Variants in ANXA8 observed in about 807,000 individuals in gnomAD.
ANXA8 encodes the protein annexin A8.
ANXA8 carries 9 observed loss-of-function variants against 26.8 expected under a neutral mutation model. That is an observed-to-expected ratio of 0.34 (90% confidence interval 0.20 to 0.59). The LOEUF is 0.59. Ranked by LOEUF, ANXA8 falls within the 20% of genes least tolerant of loss-of-function variation. ANXA8 has a pLI of 0.84. For synonymous variants in ANXA8, 39 were observed against 94.8 expected, an observed-to-expected ratio of 0.41 and a Z score of 3.42; for missense variants, 83 against 238.5, an observed-to-expected ratio of 0.35 and a Z score of 4.29.
chr10:47,692,966 C>G, the ANXA8 span, among the ~76,000 whole-genome samples: 1 of 151,454 alleles, frequency 6.6e-6, no homozygotes, highest in Admixed American at 6.6e-5. Flanking sequence ...AACTCCTGTC[C>G]TCAGGTGATC....
chr10:47,495,255 CATTATT>C, the ANXA8 span, among the ~76,000 whole-genome samples: 3,663 of 102,932 alleles, frequency 0.036, 241 homozygotes, highest in Middle Eastern at 0.12. Context: ...AGAAACATGG[CATTATT>C]ATTATTATTA....
chr10:47,894,879 C>T, the ANXA8 span, among the ~76,000 whole-genome samples: 1 of 152,038 alleles, frequency 6.6e-6, no homozygotes, highest in Non-Finnish European at 1.5e-5. Context: ...ATACCCTACA[C>T]AATACAACAC....
chr10:47,668,015 G>C, the ANXA8 span, among the ~76,000 whole-genome samples: 25 of 151,980 alleles, frequency 1.6e-4, no homozygotes, highest in African/African-American at 6.0e-4. Context: ...TGGGATTATG[G>C]GCGTGAGCCA....
At chr10:47,670,222 T>C in the ANXA8 span, among the ~76,000 whole-genome samples, 1 of 151,956 alleles carries the variant, frequency 6.6e-6, no homozygotes, top group Admixed American at 6.6e-5. Context: ...TAATTTTCAT[T>C]GTGTGGATAT....
the ANXA8 span, among the ~76,000 whole-genome samples, chr10:47,676,219 T>C: frequency 2.0e-5 from 3 of 151,644 alleles, no homozygotes; most frequent in African/African-American, 7.3e-5. Context: ...TATATGTAAT[T>C]GGAGTTTCAG....
the ANXA8 span, among the ~76,000 whole-genome samples, chr10:47,680,552 T>C: frequency 1.3e-5 from 2 of 151,852 alleles, no homozygotes; most frequent in Non-Finnish European, 2.9e-5. Context: ...GGAGAATTGC[T>C]TGAACCTGGG....
At chr10:47,484,309 C>T (rs1425850055), upstream of ANXA8, 8 of 640,106 alleles carry the variant, frequency 1.2e-5, no homozygotes, top group Non-Finnish European at 1.7e-5. Context: ...GTCTCAAACT[C>T]CCGACCTCAG....
the ANXA8 span, among the ~76,000 whole-genome samples, chr10:47,705,344 ATGAATGATAGC>A: frequency 7.4e-6 from 1 of 135,156 alleles, no homozygotes. Flanking sequence ...GTGTGTGTGT[ATGAATGATAGC>A]TAAATGGCTT....
chr10:47,701,646 A>C, the ANXA8 span, among the ~76,000 whole-genome samples: 19 of 151,710 alleles, frequency 1.3e-4, no homozygotes, highest in African/African-American at 3.6e-4. Context: ...GAAGGATTGG[A>C]GGAATAAGAA....
At chr10:47,932,427 G>C in the ANXA8 span, among the ~76,000 whole-genome samples, 4 of 150,800 alleles carry the variant, frequency 2.7e-5, no homozygotes, top group Non-Finnish European at 5.9e-5. Flanking sequence ...TCATGGAATG[G>C]GGCTCTCCAA....
At chr10:47,706,005 G>GC in the ANXA8 span, among the ~76,000 whole-genome samples, 11 of 147,384 alleles carry the variant, frequency 7.5e-5, no homozygotes, top group African/African-American at 2.8e-4. Context: ...GCGTGTTGTG[G>GC]GGGGGGAGGG....
the ANXA8 span, among the ~76,000 whole-genome samples, chr10:47,665,958 A>G: frequency 6.6e-6 from 1 of 151,962 alleles, no homozygotes; most frequent in African/African-American, 2.4e-5. Flanking sequence ...GTTAATGTAT[A>G]GCTGGTAGAA....
At chr10:47,575,188 G>A in the ANXA8 span, among the ~76,000 whole-genome samples, 4 of 52,010 alleles carry the variant, frequency 7.7e-5, no homozygotes, top group Middle Eastern at 0.013. Flanking sequence ...TGGGCAACAA[G>A]AGTGAAACTC....
chr10:47,674,313 A>G, the ANXA8 span, among the ~76,000 whole-genome samples: 5 of 150,694 alleles, frequency 3.3e-5, no homozygotes, highest in Non-Finnish European at 2.9e-5. Flanking sequence ...TTTTTTTTTA[A>G]TAGAGACAGA....
At chr10:47,958,248 G>A in the ANXA8 span, among the ~76,000 whole-genome samples, 2 of 149,772 alleles carry the variant, frequency 1.3e-5, 1 homozygote, top group African/African-American at 5.0e-5. Flanking sequence ...GGAAGCCGAG[G>A]CCGGCAGAGC....
At chr10:47,474,849 T>C (rs1839460778) in intron 7 of ANXA8, 96 bp downstream of exon 7, 2 of 1,438,168 alleles carry the variant, frequency 1.4e-6, no homozygotes, top group Non-Finnish European at 1.9e-6. Context: ...GCTGGGTGGG[T>C]CCCAGCCCAG....
At chr10:47,495,630 A>G in the ANXA8 span, among the ~76,000 whole-genome samples, 1 of 147,730 alleles carries the variant, frequency 6.8e-6, no homozygotes, top group Non-Finnish European at 1.5e-5. Flanking sequence ...TCTGGAAACT[A>G]TATGGGGCAA....
At chr10:47,627,376 C>T in the ANXA8 span, among the ~76,000 whole-genome samples, 2 of 150,292 alleles carry the variant, frequency 1.3e-5, no homozygotes, top group African/African-American at 5.0e-5. Context: ...ATTTTTACTT[C>T]TTGAAGTTTC....
chr10:47,491,724 A>C, the ANXA8 span: 1 of 1,544,926 alleles, frequency 6.5e-7, no homozygotes, highest in South Asian at 1.2e-5. Context: ...CTGGCCCAAC[A>C]TGCTTTTATA....
Sources: allele counts gnomAD v4.1 joint callset (sites outside exome capture counted in the v4.1 genomes callset), GRCh38; gene constraint gnomAD v4.1.1; transcripts MANE v1.5; gene names NCBI Gene and HGNC (gene_info 2026-07-23, HGNC 2026-07-21).